Variants in ZPBP observed in about 807,000 individuals in gnomAD.
ZPBP encodes the protein zona pellucida binding protein, also known as zona pellucida-binding protein 1.
ZPBP carries 26 observed loss-of-function variants against 44.8 expected under a neutral mutation model. The observed-to-expected ratio is 0.58, with a 90% confidence interval of 0.43 to 0.81. The LOEUF is 0.81. Ranked by LOEUF, ZPBP falls within the 30% of genes least tolerant of loss-of-function variation. The pLI is 0.00. For missense variants in ZPBP, 409 were observed against 434.0 expected (o/e 0.94, Z 0.51); for synonymous variants, 174 against 153.2 (o/e 1.14, Z -1.00).
At chr7:50,040,635 C>T (rs556727031) in intron 4 of ZPBP, among the ~76,000 whole-genome samples, 2 of 152,140 alleles carry the variant, frequency 1.3e-5, no homozygotes, top group Non-Finnish European at 2.9e-5. Context: ...CAGACACTAC[C>T]CTTTTCCGAC....
At chr7:49,958,957 C>T (rs1367654941) in intron 7 of ZPBP, among the ~76,000 whole-genome samples, 5 of 151,930 alleles carry the variant, frequency 3.3e-5, no homozygotes, top group African/African-American at 1.2e-4. Context: ...TAAATATTAA[C>T]AAATCAAATA....
At chr7:50,090,511 G>C (rs13310417) in intron 1 of ZPBP, among the ~76,000 whole-genome samples, 1,769 of 150,932 alleles carry the variant, frequency 0.012, 26 homozygotes, top group African/African-American at 0.035. Flanking sequence ...GTATATATAT[G>C]TGTATATATG....
At chr7:49,884,920 T>G (rs1231426598) in intron 2 of ZPBP, among the ~76,000 whole-genome samples, 1 of 152,080 alleles carries the variant, frequency 6.6e-6, no homozygotes, top group Non-Finnish European at 1.5e-5. Flanking sequence ...TAAAAACTAA[T>G]TCCTTGACCA....
intron 4 of ZPBP, among the ~76,000 whole-genome samples, chr7:50,049,821 T>TA (rs983248360): frequency 2.7e-4 from 40 of 148,718 alleles, no homozygotes; most frequent in South Asian, 1.3e-3. Flanking sequence ...GGCTCCTCAA[T>TA]AAAAAAAAAC....
At chr7:50,034,766 C>A (rs1348928679) in intron 4 of ZPBP, among the ~76,000 whole-genome samples, 1 of 152,152 alleles carries the variant, frequency 6.6e-6, no homozygotes, top group Non-Finnish European at 1.5e-5. Flanking sequence ...CAAATTTGTT[C>A]CTTTCTACTT....
chr7:49,899,864 A>G (rs1792617992), intron 2 of ZPBP, among the ~76,000 whole-genome samples: 1 of 151,956 alleles, frequency 6.6e-6, no homozygotes, highest in African/African-American at 2.4e-5. Context: ...ACAATAGCAT[A>G]ATACACATTA....
At position 50,025,519 on chromosome 7, in the gene ZPBP, C is replaced by T. The variant is rs116372459; in HGVS notation, c.706+5573G>A. Among the ~76,000 whole-genome samples the T allele has an allele frequency of 7.0e-4, 107 of 151,824 alleles. 2 individuals are homozygous for T. The highest frequency in any genetic ancestry group is 1.6e-3 in the African/African-American group (68 of 41,490). The stretch of plus-strand genomic sequence containing the variant: ...ACTGATCATTCACAAAGGAAAAAAA[C>T]GGCAATTCAAGGGAGAAAATATAGT... On this transcript the variant is annotated intron_variant, in intron 5 of 7. Coordinates refer to ENST00000046087, the MANE Select transcript of ZPBP (RefSeq NM_007009.3).
chr7:49,899,239 C>T (rs950759040), intron 2 of ZPBP, among the ~76,000 whole-genome samples: 1 of 151,700 alleles, frequency 6.6e-6, no homozygotes, highest in Non-Finnish European at 1.5e-5. Context: ...AGCATACACA[C>T]CAAGAATATG....
chr7:50,067,190 G>A lies in ZPBP; in HGVS notation c.335-9049C>T, dbSNP rs375244513. Among the ~76,000 whole-genome samples, 31 of 151,956 alleles carry A rather than the reference G, an allele frequency of 2.0e-4. 1 individual carries two copies. The highest frequency in any genetic ancestry group is 3.4e-3 in the Middle Eastern group (1 of 294). On this transcript the variant is annotated intron_variant, in intron 3 of 7. Transcript: ENST00000046087. ...ACTTAAAGCCTGCATTTGCCTTTACGTTTGCCTTTCCCTTTTTTTTAGCCT... is the reference window on the plus strand; with the variant it reads ...ACTTAAAGCCTGCATTTGCCTTTACATTTGCCTTTCCCTTTTTTTTAGCCT...
At chr7:50,069,420 C>G (rs1332599179) in intron 3 of ZPBP, among the ~76,000 whole-genome samples, 1 of 152,144 alleles carries the variant, frequency 6.6e-6, no homozygotes, top group Admixed American at 6.5e-5. Context: ...GAGCTGCAAG[C>G]ATTTTACAAT....
chr7:49,990,340 C>G (rs1797507793), intron 6 of ZPBP, among the ~76,000 whole-genome samples: 1 of 152,166 alleles, frequency 6.6e-6, no homozygotes, highest in Non-Finnish European at 1.5e-5. Flanking sequence ...TGGGTGAAAG[C>G]CGCTTTGACA....
chr7:49,998,146 G>C (rs910523069), intron 6 of ZPBP, among the ~76,000 whole-genome samples: 1 of 152,176 alleles, frequency 6.6e-6, no homozygotes, highest in Non-Finnish European at 1.5e-5. Context: ...TCAAACTCCT[G>C]ACTTCGTGAT....
intron 7 of ZPBP, among the ~76,000 whole-genome samples, chr7:49,971,551 A>T (rs533746110): frequency 6.6e-6 from 1 of 152,296 alleles, no homozygotes; most frequent in African/African-American, 2.4e-5. Context: ...TCTATAAAAA[A>T]TGACTCAAAA....
chr7:50,071,722 C>T (rs1269564473), intron 3 of ZPBP, among the ~76,000 whole-genome samples: 2 of 152,162 alleles, frequency 1.3e-5, no homozygotes, highest in Admixed American at 1.3e-4. Flanking sequence ...GTGATGTCCC[C>T]ATTCCAGGCC....
At chr7:49,882,686 C>T (rs540748973) in intron 2 of ZPBP, among the ~76,000 whole-genome samples, 51 of 152,186 alleles carry the variant, frequency 3.4e-4, no homozygotes, top group African/African-American at 1.2e-3. Flanking sequence ...GGCTTCTGCA[C>T]CTCTGGGTGT....
chr7:49,999,812 C>T (rs1798017048), intron 6 of ZPBP, among the ~76,000 whole-genome samples: 1 of 152,116 alleles, frequency 6.6e-6, no homozygotes, highest in African/African-American at 2.4e-5. Context: ...TAATCACTTC[C>T]AGAAACACCC....
chr7:50,009,259 T>C (rs1798460960), intron 6 of ZPBP, among the ~76,000 whole-genome samples: 1 of 146,170 alleles, frequency 6.8e-6, no homozygotes, highest in Non-Finnish European at 1.5e-5. Context: ...AAGCACATAC[T>C]GATTGGGTAT....
At chr7:50,001,972 G>A (rs773818309) in intron 6 of ZPBP, among the ~76,000 whole-genome samples, 6 of 152,026 alleles carry the variant, frequency 3.9e-5, no homozygotes, top group African/African-American at 1.2e-4. Context: ...TGGCGCAACC[G>A]AGGCAGCCTC....
At chr7:49,994,509 T>C (rs928156605) in intron 6 of ZPBP, among the ~76,000 whole-genome samples, 1 of 152,208 alleles carries the variant, frequency 6.6e-6, no homozygotes. Flanking sequence ...CATGATCAAC[T>C]TTATGGCTTA....
Sources: gnomAD v4.1 joint callset for allele counts (sites outside exome capture counted in the v4.1 genomes callset) on GRCh38, gnomAD v4.1.1 for gene constraint, MANE v1.5 for transcripts, NCBI Gene and HGNC (gene_info 2026-07-23, HGNC 2026-07-21) for gene names.